The following ZNF7 variants were observed in gnomAD, a reference collection of about 807,000 sequenced individuals.
ZNF7 encodes C2-H2 type zinc finger protein.
A neutral mutation model predicts 12.0 loss-of-function variants in ZNF7; 10 were observed. The ratio of observed to expected loss-of-function variants is 0.83; its 90% CI spans 0.51 to 1.42. ZNF7 has a LOEUF of 1.42. Among genes scored for constraint, ZNF7 ranks in the 40% most tolerant of loss-of-function variants. The pLI is 0.00. For synonymous variants in ZNF7, 334 were observed against 295.0 expected (o/e 1.13, Z -1.35); for missense variants, 854 against 837.2 (o/e 1.02, Z -0.25).
intron 4 of ZNF7, 196 bp from the exon 5 acceptor site, chr8:144,841,159 T>G: frequency 1.6e-6 from 1 of 608,978 alleles, no homozygotes. Context: ...ATCGAATGAG[T>G]GAACAAGGTA....
Position 144,843,291 on chromosome 8 carries a change from A to C in ZNF7, c.*123A>C. On this transcript the variant is annotated 3_prime_UTR_variant, in exon 5 of 5. Transcript: ENST00000532777. ...TTGGTAAAGGTTCAGAATTGCTCTC[A>C]AGAATATCCAACTTCAGGCCGAGTG... 59 of 1,241,960 alleles carry C rather than the reference A, an allele frequency of 4.8e-5. No homozygotes were observed. The highest frequency in any genetic ancestry group is 5.9e-5 in the Non-Finnish European group (54 of 913,706). 76.9% of individuals were successfully genotyped at this position (1,241,960 alleles called of 1,614,324 possible). A position where few individuals can be genotyped will look rare whatever the true frequency, so the allele number is the denominator to read the frequency against.
chr8:144,832,560 T>C (rs981130085), intron 3 of ZNF7, among the ~76,000 whole-genome samples: 2 of 151,972 alleles, frequency 1.3e-5, no homozygotes, highest in African/African-American at 4.8e-5. Context: ...ACACCCCGCC[T>C]CTACTAAAAA....
intron 1 of ZNF7, 113 bp downstream of exon 1, chr8:144,827,722 C>T (rs1400687098): frequency 3.1e-6 from 3 of 977,064 alleles, no homozygotes; most frequent in African/African-American, 3.5e-5. Flanking sequence ...CCCGGGCCTC[C>T]AGGCGGGAAA....
intron 3 of ZNF7, chr8:144,836,362 G>A (rs893477795): frequency 6.6e-6 from 1 of 152,174 alleles, no homozygotes; most frequent in Non-Finnish European, 1.5e-5. Context: ...TTTACATACT[G>A]CTTGGGCTGC....
intron 4 of ZNF7, among the ~76,000 whole-genome samples, chr8:144,839,939 TTTATTTTTTTA>T (rs1829650320): frequency 6.6e-6 from 1 of 152,286 alleles, no homozygotes; most frequent in South Asian, 2.1e-4. Flanking sequence ...GCCGCTGCTC[TTTATTTTTTTA>T]TTTTTTGAGA....
In ZNF7 at chr8:144,837,476, G is replaced by C. The variant is rs1314635353; in HGVS notation, c.216G>C (p.Glu72Asp). 6.2e-7 allele frequency: 1 copy of C among 1,611,944 alleles called. No individual in the cohort carries two copies. Among genetic ancestry groups the C allele is most frequent in the African/African-American group, 1.3e-5 (1 of 75,034 alleles). Residue 72 changes from glutamate to aspartate, a missense_variant, in exon 4 of 5, where the codon GAG becomes GAC. Physicochemically the swap from Glu to Asp is conservative, Grantham distance 45. Coordinates refer to ENST00000532777, the MANE Select transcript of ZNF7 (RefSeq NM_003416.4). ...GGGTCCTCGACCTGCAGGGAGCAGA[G>C]GGGACAGAGGCACCAAGGACCTCCA... is the stretch of plus-strand genomic sequence containing the variant. ...EPWVLDLQGA[E>D]GTEAPRTSKT... is the part of the protein sequence containing the mutation.
At chr8:144,837,761 AATC>A (rs1203551888) in intron 4 of ZNF7, among the ~76,000 whole-genome samples, 1 of 152,166 alleles carries the variant, frequency 6.6e-6, no homozygotes, top group Non-Finnish European at 1.5e-5. Flanking sequence ...CTTGTTTTTG[AATC>A]ATGTCACATT....
At chr8:144,827,817 G>T in intron 1 of ZNF7, 1 of 430,484 alleles carries the variant, frequency 2.3e-6, no homozygotes, top group Non-Finnish European at 3.1e-6. Flanking sequence ...CGCGAGGTGG[G>T]CTTCGTTTGG....
chr8:144,829,439 A>C (rs1272873529), intron 2 of ZNF7, 39 bp from the exon 3 acceptor site: 1 of 1,612,454 alleles, frequency 6.2e-7, no homozygotes, highest in South Asian at 1.1e-5. Context: ...GGGGGCTGGC[A>C]CCCAGGGATT....
chr8:144,831,201 C>G (rs1460178418), intron 3 of ZNF7, among the ~76,000 whole-genome samples: 1 of 152,230 alleles, frequency 6.6e-6, no homozygotes, highest in Non-Finnish European at 1.5e-5. Flanking sequence ...CAGCAGTTTG[C>G]TTCTCCAGGC....
At chr8:144,846,421 G>C (rs374519055), downstream of ZNF7, 1 of 461,836 alleles carries the variant, frequency 2.2e-6, no homozygotes, top group Non-Finnish European at 3.9e-6. Context: ...ACTGTGCACA[G>C]TGTCCCTGGG....
At chr8:144,828,982 ATT>A (rs1828119143) in intron 1 of ZNF7, 59 bp from the exon 2 acceptor site, 1 of 1,581,084 alleles carries the variant, frequency 6.3e-7, no homozygotes, top group Non-Finnish European at 8.6e-7. Context: ...TACCCCCTTG[ATT>A]AGCCTGGAAG....
At chr8:144,846,481 G>T (rs746995078), downstream of ZNF7, 2 of 296,626 alleles carry the variant, frequency 6.7e-6, no homozygotes, top group Non-Finnish European at 6.3e-6. Flanking sequence ...CTTTCTTGCT[G>T]CAGCAGTGTT....
Position 144,841,559 on chromosome 8 carries a change from AC to A in ZNF7, c.453del (p.Cys152ValfsTer2). ...GTGACAGGCTTTACCTTCCAAAATA[AC>A]TGTTTGAATGAGGAGACTGTGGTTC... ...LKVTGFTFQNNCLNEETVVPK... is the reference protein window; with the variant it reads ...LKVTGFTFQNXCLNEETVVPK... On this transcript the variant is annotated frameshift_variant, in exon 5 of 5. Coordinates refer to ENST00000532777, the MANE Select transcript of ZNF7 (RefSeq NM_003416.4). LOFTEE classifies it low-confidence loss of function (END_TRUNC). The A allele has an allele frequency of 6.2e-7, 1 of 1,614,038 alleles. No homozygotes were observed. Among genetic ancestry groups the A allele is most frequent in the Non-Finnish European group, 8.5e-7 (1 of 1,180,012 alleles).
downstream of ZNF7, among the ~76,000 whole-genome samples, chr8:144,844,043 T>TACCA (rs561542259): frequency 3.8e-3 from 586 of 152,272 alleles, 4 homozygotes; most frequent in African/African-American, 0.013. Flanking sequence ...ATGGAGCACA[T>TACCA]ACCAGTGCCA....
chr8:144,831,555 G>A (rs1586792377), intron 3 of ZNF7, among the ~76,000 whole-genome samples: 1 of 152,124 alleles, frequency 6.6e-6, no homozygotes. Flanking sequence ...AGGCTGAGGC[G>A]GGTGGATCAT....
At chr8:144,829,177 A>C (rs1013056978) in intron 2 of ZNF7, 87 bp downstream of exon 2, 1 of 1,599,828 alleles carries the variant, frequency 6.3e-7, no homozygotes, top group Non-Finnish European at 8.5e-7. Flanking sequence ...CCCAGACCCT[A>C]CCTTGGCCCT....
downstream of ZNF7, among the ~76,000 whole-genome samples, chr8:144,845,142 C>T (rs1304935527): frequency 2.0e-5 from 3 of 152,186 alleles, no homozygotes; most frequent in Non-Finnish European, 4.4e-5. Context: ...GCCTGAAAGA[C>T]TGCCAAGAAC....
downstream of ZNF7, among the ~76,000 whole-genome samples, chr8:144,844,709 CAAAAAAAAAA>C (rs71320849): frequency 4.9e-3 from 431 of 88,608 alleles, no homozygotes; most frequent in Non-Finnish European, 7.4e-3. Context: ...GACTCTGTAT[CAAAAAAAAAA>C]AAAAAAAAAA....
Sources: allele counts gnomAD v4.1 joint callset (sites outside exome capture counted in the v4.1 genomes callset), GRCh38; gene constraint gnomAD v4.1.1; transcripts MANE v1.5; gene names NCBI Gene and HGNC (gene_info 2026-07-23, HGNC 2026-07-21).